ZNF721: variants seen among roughly 807,000 people sequenced by gnomAD.
ZNF721 encodes the protein zinc finger protein 721.
In ZNF721, 2 loss-of-function variants were observed where a neutral mutation model predicts 2.4. That is an observed-to-expected ratio of 0.82 (90% CI 0.34 to 2.58). ZNF721 has a LOEUF of 2.58. Among genes scored for constraint, ZNF721 ranks in the 30% most tolerant of loss-of-function variants. ZNF721 has a pLI of 0.11. For missense variants in ZNF721, 1,187 were observed against 1,085.5 expected (o/e 1.09, Z -1.31); for synonymous variants, 398 against 381.8 (o/e 1.04, Z -0.50).
At chr4:498,709 G>A (rs1449071590) in intron 1 of ZNF721, among the ~76,000 whole-genome samples, 1 of 150,676 alleles carries the variant, frequency 6.6e-6, no homozygotes, top group East Asian at 1.9e-4. Context: ...GTTGTCTGAG[G>A]TATTGGGTTG....
At chr4:449,427 T>C (rs782578211) in intron 2 of ZNF721, among the ~76,000 whole-genome samples, 5 of 152,094 alleles carry the variant, frequency 3.3e-5, no homozygotes, top group Non-Finnish European at 7.4e-5. Context: ...CTACCTCTTA[T>C]GATATAAAAA....
chr4:471,030 T>C (rs1282800043), intron 2 of ZNF721, among the ~76,000 whole-genome samples: 1 of 151,632 alleles, frequency 6.6e-6, no homozygotes, highest in Non-Finnish European at 1.5e-5. Flanking sequence ...AATATCCATA[T>C]CCAAAATGTT....
At chr4:445,688 GA>G (rs1553864067) in intron 2 of ZNF721, among the ~76,000 whole-genome samples, 1 of 151,838 alleles carries the variant, frequency 6.6e-6, no homozygotes, top group East Asian at 1.9e-4. Context: ...AAAAGGAGGT[GA>G]AAAATATAAA....
In ZNF721 at chr4:490,048, T is replaced by C. The variant is rs182705497; in HGVS notation, c.-94+9008A>G. Among the ~76,000 whole-genome samples the C allele has an allele frequency of 3.9e-5, 6 of 152,014 alleles. No individual in the cohort carries two copies. The East Asian group carries it at 1.2e-3, about 30-fold the overall frequency. On this transcript the variant is annotated intron_variant, in intron 1 of 2. Transcript: ENST00000511833. ...CTAATTTTTTGTATTTTAGTAGAGA[T>C]GAGGTTTCACCATGTTGGCCAGGAT... is the stretch of plus-strand genomic sequence containing the variant.
intron 2 of ZNF721, among the ~76,000 whole-genome samples, chr4:460,894 C>G (rs376274854): frequency 6.6e-6 from 1 of 152,060 alleles, no homozygotes; most frequent in Non-Finnish European, 1.5e-5. Flanking sequence ...AAGACTTAAC[C>G]AGGAAGAAGT....
At chr4:474,370 C>T (rs1482222206) in intron 1 of ZNF721, among the ~76,000 whole-genome samples, 2 of 152,200 alleles carry the variant, frequency 1.3e-5, no homozygotes, top group Non-Finnish European at 2.9e-5. Flanking sequence ...CTAGGCTTGG[C>T]TCTGCACAGG....
At chr4:449,544 T>C (rs1478358779) in intron 2 of ZNF721, among the ~76,000 whole-genome samples, 1 of 151,922 alleles carries the variant, frequency 6.6e-6, no homozygotes, top group Non-Finnish European at 1.5e-5. Context: ...TCTTAAGACC[T>C]CAAAAGCACA....
chr4:455,955 A>G (rs1714832623), intron 2 of ZNF721, among the ~76,000 whole-genome samples: 1 of 152,162 alleles, frequency 6.6e-6, no homozygotes, highest in Non-Finnish European at 1.5e-5. Context: ...TGTTTCTCTC[A>G]CAAAACATAA....
At chr4:465,654 G>C (rs1006748636) in intron 2 of ZNF721, among the ~76,000 whole-genome samples, 3 of 151,790 alleles carry the variant, frequency 2.0e-5, no homozygotes, top group Non-Finnish European at 2.9e-5. Context: ...GGATGGTCTC[G>C]ATCTCCTGAC....
rs1553867936 is a variant in ZNF721, at chr4:472,682, T to A, written c.-74A>T. The A allele has an allele frequency of 6.2e-7, 1 of 1,612,848 alleles. No individual in the cohort carries two copies. Among genetic ancestry groups the A allele is most frequent in the Admixed American group, 1.7e-5 (1 of 59,466 alleles). On this transcript the variant is annotated 5_prime_UTR_variant, in exon 2 of 3. An upstream start codon of the reference 5' UTR is lost. Coordinates refer to ENST00000511833, the MANE Select transcript of ZNF721 (RefSeq NM_133474.4). ...TTCTGGAGAGAATTCTATGGCCACA[T>A]CCCTGAATGTTAAGGGTTCCTGAAA...
chr4:446,984 C>T (rs1307936384), intron 2 of ZNF721, among the ~76,000 whole-genome samples: 2 of 152,122 alleles, frequency 1.3e-5, no homozygotes, highest in Non-Finnish European at 2.9e-5. Flanking sequence ...CCGCGCCTGG[C>T]TGAGGAAGAA....
At chr4:482,912 C>A (rs1553869754) in intron 1 of ZNF721, among the ~76,000 whole-genome samples, 2 of 152,178 alleles carry the variant, frequency 1.3e-5, no homozygotes, top group Non-Finnish European at 2.9e-5. Context: ...TATATTGTAT[C>A]AAAATCTGTA....
intron 1 of ZNF721, chr4:474,066 C>G (rs1715552560): frequency 1.4e-6 from 2 of 1,440,590 alleles, no homozygotes; most frequent in South Asian, 1.1e-5. Context: ...GGCTGAGGCT[C>G]TGGCAAAATC....
At chr4:498,446 C>T (rs1716412844) in intron 1 of ZNF721, among the ~76,000 whole-genome samples, 1 of 151,978 alleles carries the variant, frequency 6.6e-6, no homozygotes, top group Admixed American at 6.5e-5. Context: ...TGAGCAGTTC[C>T]GAGCTTGTCT....
chr4:478,783 T>G (rs572417025), intron 1 of ZNF721, among the ~76,000 whole-genome samples: 14 of 151,940 alleles, frequency 9.2e-5, no homozygotes, highest in African/African-American at 3.1e-4. Context: ...TTTTTTTTTT[T>G]TTTGAGATGG....
intron 2 of ZNF721, among the ~76,000 whole-genome samples, chr4:445,684 A>C (rs1266029500): frequency 6.6e-6 from 1 of 152,198 alleles, no homozygotes. Flanking sequence ...TAAAAAAAGG[A>C]GGTGAAAAAT....
chr4:464,965 G>A (rs1453250391), intron 2 of ZNF721, among the ~76,000 whole-genome samples: 4 of 151,686 alleles, frequency 2.6e-5, no homozygotes, highest in Non-Finnish European at 5.9e-5. Flanking sequence ...GGTGCCTGCA[G>A]TCTCAGCTAC....
chr4:472,628 T>G lies in ZNF721; in HGVS notation c.-20A>C, dbSNP rs371280958. On this transcript the variant is annotated 5_prime_UTR_variant, in exon 2 of 3. Transcript: ENST00000511833. ...CAACATCACATCTCTATACAAATTC[T>G]GCTGGGCAGGGTCCAGGCATTTCCA... 1 of 1,614,134 alleles carries G rather than the reference T, an allele frequency of 6.2e-7. No individual in the cohort carries two copies. Among genetic ancestry groups the G allele is most frequent in the Non-Finnish European group, 8.5e-7 (1 of 1,180,042 alleles).
intron 1 of ZNF721, among the ~76,000 whole-genome samples, chr4:495,326 T>C (rs1356373353): frequency 1.5e-5 from 2 of 134,538 alleles, no homozygotes; most frequent in African/African-American, 5.8e-5. Flanking sequence ...AAAAAAACTT[T>C]TGCTCAAAAA....
Sources: gnomAD v4.1 joint callset for allele counts (sites outside exome capture counted in the v4.1 genomes callset) on GRCh38, gnomAD v4.1.1 for gene constraint, MANE v1.5 for transcripts, NCBI Gene and HGNC (gene_info 2026-07-23, HGNC 2026-07-21) for gene names.